CHCHD3: variants seen among roughly 807,000 people sequenced by gnomAD.
CHCHD3 encodes MICOS complex subunit MIC19.
In CHCHD3, 20 loss-of-function variants were observed where a neutral mutation model predicts 38.2. The observed-to-expected ratio is 0.52, with a 90% CI of 0.37 to 0.76. The LOEUF (loss-of-function observed/expected upper bound fraction) is 0.76, where lower values mean the gene tolerates loss of function less well. CHCHD3 is among the 30% of genes least tolerant of loss of function. The pLI, the probability that CHCHD3 is intolerant of heterozygous loss-of-function variation, is 0.00. For missense variants in CHCHD3, 245 were observed against 279.2 expected, an observed-to-expected ratio of 0.88 and a Z score of 0.87; for synonymous variants, 82 against 100.0, an observed-to-expected ratio of 0.82 and a Z score of 1.07.
At chr7:132,830,803 C>T (rs1427643747) in intron 6 of CHCHD3, 1 of 152,146 alleles carries the variant, frequency 6.6e-6, no homozygotes, top group Admixed American at 6.6e-5. Flanking sequence ...CAACAAATAA[C>T]TCGAAACTTC....
intron 4 of CHCHD3, among the ~76,000 whole-genome samples, chr7:132,970,459 A>G (rs1811586072): frequency 6.6e-6 from 1 of 152,246 alleles, no homozygotes; most frequent in Non-Finnish European, 1.5e-5. Flanking sequence ...AATAAATGCA[A>G]ACATAGCAAT....
chr7:132,877,785 T>G (rs904441519), intron 5 of CHCHD3, among the ~76,000 whole-genome samples: 1 of 152,208 alleles, frequency 6.6e-6, no homozygotes, highest in East Asian at 1.9e-4. Context: ...TGCCCTGATC[T>G]CCACATGAAT....
chr7:132,832,746 T>C (rs952923791), intron 6 of CHCHD3, among the ~76,000 whole-genome samples: 7 of 152,244 alleles, frequency 4.6e-5, no homozygotes, highest in Admixed American at 2.6e-4. Flanking sequence ...TAACATCTTC[T>C]TTCTATAGGT....
chr7:133,014,833 T>G (rs578209517), intron 3 of CHCHD3, among the ~76,000 whole-genome samples: 1 of 152,240 alleles, frequency 6.6e-6, no homozygotes, highest in East Asian at 1.9e-4. Context: ...TTTGCTCTAC[T>G]GAACTCAGGA....
chr7:132,845,906 T>G (rs547307919), intron 5 of CHCHD3, among the ~76,000 whole-genome samples: 3 of 152,192 alleles, frequency 2.0e-5, no homozygotes, highest in Non-Finnish European at 4.4e-5. Context: ...GAAAAATGAT[T>G]CCACAACTGA....
intron 4 of CHCHD3, among the ~76,000 whole-genome samples, chr7:132,888,605 C>T (rs1367063897): frequency 1.3e-5 from 2 of 151,760 alleles, no homozygotes; most frequent in East Asian, 3.9e-4. Flanking sequence ...AGAGTATTTA[C>T]ATCTAAGAAA....
chr7:132,902,895 G>A (rs773344965), intron 4 of CHCHD3, among the ~76,000 whole-genome samples: 11 of 152,170 alleles, frequency 7.2e-5, no homozygotes, highest in Non-Finnish European at 7.3e-5. Context: ...GGTATGGGAA[G>A]ACCAAAACGA....
At chr7:132,819,445 T>C (rs1563244855) in intron 6 of CHCHD3, among the ~76,000 whole-genome samples, 1 of 152,188 alleles carries the variant, frequency 6.6e-6, no homozygotes, top group Non-Finnish European at 1.5e-5. Flanking sequence ...CCTCTAGTCT[T>C]CCATTCTGAA....
chr7:132,795,245 C>T (rs1806577159), intron 7 of CHCHD3, among the ~76,000 whole-genome samples: 1 of 152,168 alleles, frequency 6.6e-6, no homozygotes, highest in Admixed American at 6.5e-5. Flanking sequence ...AGTCTCAAGT[C>T]CTTCAGTTCA....
At chr7:132,828,810 T>A (rs1469816823) in intron 6 of CHCHD3, among the ~76,000 whole-genome samples, 1 of 152,208 alleles carries the variant, frequency 6.6e-6, no homozygotes, top group Non-Finnish European at 1.5e-5. Context: ...GATGTTATAC[T>A]ATGGCTGAAC....
At chr7:132,830,191 A>T (rs1807608197) in intron 6 of CHCHD3, among the ~76,000 whole-genome samples, 1 of 152,188 alleles carries the variant, frequency 6.6e-6, no homozygotes, top group South Asian at 2.1e-4. Flanking sequence ...AAATATAACC[A>T]ATTCTAAATG....
chr7:132,864,246 A>G (rs575232362), intron 5 of CHCHD3, among the ~76,000 whole-genome samples: 1 of 152,292 alleles, frequency 6.6e-6, no homozygotes, highest in South Asian at 2.1e-4. Flanking sequence ...TAATTGGCCT[A>G]ATTTTAGTAT....
chr7:132,931,042 C>T (rs958510644), intron 4 of CHCHD3, among the ~76,000 whole-genome samples: 2 of 152,076 alleles, frequency 1.3e-5, no homozygotes, highest in African/African-American at 4.8e-5. Flanking sequence ...TTTGTAACCC[C>T]GGAAGCACTA....
intron 2 of CHCHD3, among the ~76,000 whole-genome samples, chr7:133,064,188 G>A (rs1248594599): frequency 6.6e-6 from 1 of 152,214 alleles, no homozygotes; most frequent in Non-Finnish European, 1.5e-5. Context: ...AAAGATGGCG[G>A]CCATGCTAAC....
chr7:133,074,875 C>G (rs753724204), intron 1 of CHCHD3, among the ~76,000 whole-genome samples: 1 of 152,192 alleles, frequency 6.6e-6, no homozygotes. Context: ...CCATAAACTA[C>G]AATTGGCTAC....
chr7:132,819,958 G>C (rs2117065566), intron 6 of CHCHD3, among the ~76,000 whole-genome samples: 2 of 152,224 alleles, frequency 1.3e-5, no homozygotes, highest in Admixed American at 1.3e-4. Flanking sequence ...AGGTATCCAA[G>C]GTTATTTTCA....
chr7:132,852,265 GGTAAGT>G (rs1808237205), intron 5 of CHCHD3, among the ~76,000 whole-genome samples: 1 of 152,096 alleles, frequency 6.6e-6, no homozygotes, highest in Non-Finnish European at 1.5e-5. Flanking sequence ...CCAGGCCAGG[GGTAAGT>G]CCTAGGAATG....
chr7:132,810,970 A>G (rs1200491399), intron 6 of CHCHD3, among the ~76,000 whole-genome samples: 3 of 151,944 alleles, frequency 2.0e-5, no homozygotes, highest in African/African-American at 4.8e-5. Context: ...CTCTCCCCCT[A>G]TTACTAGGAT....
intron 4 of CHCHD3, among the ~76,000 whole-genome samples, chr7:132,942,643 T>C (rs879505483): frequency 7.9e-5 from 12 of 152,274 alleles, no homozygotes; most frequent in Middle Eastern, 3.4e-3. Context: ...AAGAAATACA[T>C]TGAAGAGCTA....
Sources: allele counts gnomAD v4.1 joint callset (sites outside exome capture counted in the v4.1 genomes callset), GRCh38; gene constraint gnomAD v4.1.1; transcripts MANE v1.5; gene names NCBI Gene and HGNC (gene_info 2026-07-23, HGNC 2026-07-21).